The following NR3C1 variants were observed in gnomAD, a reference collection of about 807,000 sequenced individuals.
The protein encoded by NR3C1 is nuclear receptor subfamily 3 group C member 1, also known as glucocorticoid receptor.
In NR3C1, 14 loss-of-function variants were observed where a neutral mutation model predicts 74.0. The observed-to-expected ratio is 0.19, with a 90% CI of 0.12 to 0.30. The LOEUF (loss-of-function observed/expected upper bound fraction) is 0.30, where lower values mean the gene tolerates loss of function less well. Among genes scored for constraint, NR3C1 ranks in the 10% least tolerant of loss-of-function variants. The probability of loss-of-function intolerance (pLI) is 1.00; values close to 1 mark genes in which losing one functional copy is unlikely to be tolerated. For missense variants in NR3C1, 695 were observed against 909.8 expected (o/e 0.76, Z 3.04); for synonymous variants, 308 against 332.5 (o/e 0.93, Z 0.80).
chr5:143,420,790 C>T (rs1328646124), intron 1 of NR3C1, among the ~76,000 whole-genome samples: 2 of 152,236 alleles, frequency 1.3e-5, no homozygotes, highest in East Asian at 3.9e-4. Flanking sequence ...GTCACTGCTT[C>T]TTTTCAACAA....
At chr5:143,333,384 T>C (rs1008345527) in intron 2 of NR3C1, 6 of 621,752 alleles carry the variant, frequency 9.7e-6, no homozygotes, top group Admixed American at 5.2e-5. Context: ...TACAAATAGA[T>C]GGAGACCTGC....
At chr5:143,435,487 G>T in exon 1 of NR3C1, 3 of 985,482 alleles carry the variant, frequency 3.0e-6, no homozygotes, top group Non-Finnish European at 3.6e-6. Context: ...TTTTGAATGG[G>T]GTGAAAGCAA....
Position 143,280,201 on chromosome 5 carries a change from AC to A in NR3C1, c.*1687del, listed in dbSNP as rs1812886273. 1 of 152,548 alleles carries A rather than the reference AC, an allele frequency of 6.6e-6. No individual in the cohort carries two copies. The highest frequency in any genetic ancestry group is 1.5e-5 in the Non-Finnish European group (1 of 68,008). The allele number at this position is 152,548 out of a possible 1,614,324, so 9.4% of individuals were successfully genotyped here. A position where few individuals can be genotyped will look rare whatever the true frequency, so the allele number is the denominator to read the frequency against. On this transcript the variant is annotated 3_prime_UTR_variant, in exon 9 of 9. Transcript: ENST00000394464. Reference sequence around the variant, plus strand: ...CTTTGACCCCTACAAAAAATATATAACATGTCATGATAAAACAATCTCATCT... The same window carrying A: ...CTTTGACCCCTACAAAAAATATATAAATGTCATGATAAAACAATCTCATCT...
Position 143,286,805 on chromosome 5 carries a change from A to G in NR3C1, c.2024-4080T>C, listed in dbSNP as rs568071503. ...AAACTCTACTTAACAAGAGCACAGT[A>G]AGTTTTTTTTCAAGCACTCATGGAA... On this transcript the variant is annotated intron_variant, in intron 7 of 8. Coordinates refer to ENST00000394464, the MANE Select transcript of NR3C1 (RefSeq NM_000176.3). Among the ~76,000 whole-genome samples the G allele has an allele frequency of 3.3e-5, 5 of 152,266 alleles. No homozygotes were observed. In the East Asian group the frequency reaches 9.7e-4, roughly 29 times the overall value.
In NR3C1 at chr5:143,300,405, G is replaced by A. The variant is rs1008746724; in HGVS notation, c.1747+80C>T. The A allele has an allele frequency of 3.1e-5, 49 of 1,560,588 alleles. No individual in the cohort carries two copies. The highest frequency in any genetic ancestry group is 5.4e-5 in the African/African-American group (4 of 73,990). On this transcript the variant is annotated intron_variant, in intron 5 of 8. Coordinates refer to ENST00000394464, the MANE Select transcript of NR3C1 (RefSeq NM_000176.3). The surrounding 1 kb of genome is among the most constrained non-coding windows in gnomAD (Gnocchi z 5.2). The stretch of plus-strand genomic sequence containing the variant: ...GAAACAAGATAAGCCATGGGCTCAC[G>A]ATGATATAAAAGCCAAAGTGTTTTT...
At chr5:143,411,113 C>A (rs1326892845) in intron 1 of NR3C1, among the ~76,000 whole-genome samples, 1 of 152,166 alleles carries the variant, frequency 6.6e-6, no homozygotes, top group Non-Finnish European at 1.5e-5. Flanking sequence ...TAAGAACATA[C>A]CATACGATGG....
chr5:143,414,382 C>T (rs577091310), intron 1 of NR3C1, among the ~76,000 whole-genome samples: 1 of 152,328 alleles, frequency 6.6e-6, no homozygotes, highest in Non-Finnish European at 1.5e-5. Context: ...AGCCTCTGCA[C>T]TGGGCAGGCA....
intron 2 of NR3C1, among the ~76,000 whole-genome samples, chr5:143,393,446 C>T (rs1396134772): frequency 1.3e-5 from 2 of 152,096 alleles, no homozygotes; most frequent in Non-Finnish European, 2.9e-5. Context: ...GACTGTCTCC[C>T]TTAGCATTAG....
At chr5:143,326,805 T>C (rs1202455734) in intron 2 of NR3C1, among the ~76,000 whole-genome samples, 1 of 152,200 alleles carries the variant, frequency 6.6e-6, no homozygotes, top group Non-Finnish European at 1.5e-5. Flanking sequence ...TGAGATGTCT[T>C]GCCACACTAC....
intron 2 of NR3C1, among the ~76,000 whole-genome samples, chr5:143,379,346 C>G (rs1021835141): frequency 2.6e-5 from 4 of 152,136 alleles, no homozygotes; most frequent in Admixed American, 6.6e-5. Flanking sequence ...TTAACTTCTG[C>G]AGGATTGCAG....
At chr5:143,337,642 T>C (rs1030698066) in intron 2 of NR3C1, among the ~76,000 whole-genome samples, 4 of 152,232 alleles carry the variant, frequency 2.6e-5, no homozygotes, top group East Asian at 1.9e-4. Context: ...GATATAATTC[T>C]ATACAGCAAT....
At chr5:143,405,648 A>G (rs541118837), upstream of NR3C1, among the ~76,000 whole-genome samples, 1 of 152,312 alleles carries the variant, frequency 6.6e-6, no homozygotes, top group African/African-American at 2.4e-5. Flanking sequence ...CCATCTTGGC[A>G]AAGGAAGAGA....
chr5:143,359,360 T>C (rs1831802780), intron 2 of NR3C1, among the ~76,000 whole-genome samples: 1 of 152,224 alleles, frequency 6.6e-6, no homozygotes, highest in Non-Finnish European at 1.5e-5. Context: ...CCATTCATTC[T>C]AACAAATACA....
intron 2 of NR3C1, chr5:143,389,818 G>A (rs964261982): frequency 2.4e-5 from 8 of 337,444 alleles, no homozygotes; most frequent in African/African-American, 1.6e-4. Context: ...ACAGAACAAA[G>A]TAAGAGGTTC....
intron 2 of NR3C1, among the ~76,000 whole-genome samples, chr5:143,344,243 CAA>C (rs1828791701): frequency 6.6e-6 from 1 of 152,102 alleles, no homozygotes; most frequent in Non-Finnish European, 1.5e-5. Context: ...CCATATCGTA[CAA>C]AAGTTTGCTT....
intron 1 of NR3C1, among the ~76,000 whole-genome samples, chr5:143,410,414 T>C (rs1841253155): frequency 6.6e-6 from 1 of 152,154 alleles, no homozygotes; most frequent in Non-Finnish European, 1.5e-5. Context: ...GATAAGAAGA[T>C]ACTTCATATC....
chr5:143,422,904 CT>C (rs1751312094), intron 1 of NR3C1, among the ~76,000 whole-genome samples: 1 of 151,392 alleles, frequency 6.6e-6, no homozygotes, highest in South Asian at 2.1e-4. Context: ...ATTTTCCCTT[CT>C]CTCTTACTTT....
At chr5:143,323,478 C>A (rs1473091718) in intron 2 of NR3C1, among the ~76,000 whole-genome samples, 2 of 152,052 alleles carry the variant, frequency 1.3e-5, no homozygotes, top group Non-Finnish European at 2.9e-5. Flanking sequence ...TGCACCCCCA[C>A]CCCCGGGTCC....
chr5:143,375,609 A>C (rs943429541), intron 2 of NR3C1: 2 of 152,214 alleles, frequency 1.3e-5, no homozygotes, highest in African/African-American at 4.8e-5. Flanking sequence ...TGTTACTAAA[A>C]ATTTTTAATA....
Sources: gnomAD v4.1 joint callset for allele counts (sites outside exome capture counted in the v4.1 genomes callset) on GRCh38, gnomAD v4.1.1 for gene constraint, Gnocchi (gnomAD v3.1) non-coding constraint, MANE v1.5 for transcripts, NCBI Gene and HGNC (gene_info 2026-07-23, HGNC 2026-07-21) for gene names.